The following ST6GALNAC1 variants were observed in gnomAD, a reference collection of about 807,000 sequenced individuals.
ST6GALNAC1 encodes the protein alpha-N-acetylgalactosaminide alpha-2,6-sialyltransferase 1.
A neutral mutation model predicts 56.8 loss-of-function variants in ST6GALNAC1; 45 were observed. The ratio of observed to expected loss-of-function variants is 0.79; its 90% CI spans 0.62 to 1.02. The LOEUF (loss-of-function observed/expected upper bound fraction) is 1.02, where lower values mean the gene tolerates loss of function less well. Ranked by LOEUF, ST6GALNAC1 falls within the 50% of genes least tolerant of loss-of-function variation. The pLI is 0.00. For missense variants in ST6GALNAC1, 743 were observed against 754.8 expected (o/e 0.98, Z 0.18); for synonymous variants, 295 against 297.8 (o/e 0.99, Z 0.10).
downstream of ST6GALNAC1, among the ~76,000 whole-genome samples, chr17:76,621,416 G>C (rs4789329): frequency 0.72 from 109,118 of 151,342 alleles, 39,847 homozygotes; most frequent in South Asian, 0.81. Context: ...CTCTTGACCT[G>C]GTAATCTGCC....
intron 1 of ST6GALNAC1, among the ~76,000 whole-genome samples, chr17:76,630,878 A>G (rs958074322): frequency 6.9e-6 from 1 of 144,158 alleles, no homozygotes; most frequent in Admixed American, 6.9e-5. Context: ...GGCGTGAGCC[A>G]CCGCGCCCAA....
At chr17:76,619,990 T>A (rs914663538), downstream of ST6GALNAC1, among the ~76,000 whole-genome samples, 1 of 152,182 alleles carries the variant, frequency 6.6e-6, no homozygotes, top group Admixed American at 6.6e-5. Flanking sequence ...GTGATCCGCC[T>A]GCCTCGGCCT....
chr17:76,626,622 T>A, intron 5 of ST6GALNAC1, 29 bp downstream of exon 5: 1 of 1,613,616 alleles, frequency 6.2e-7, no homozygotes, highest in Non-Finnish European at 8.5e-7. Context: ...AGAGTCTGGG[T>A]GTGGCCAGGC....
Position 76,629,409 on chromosome 17 carries a change from C to T in ST6GALNAC1, c.434G>A (p.Gly145Glu). 1 of 1,614,162 alleles carries T rather than the reference C, an allele frequency of 6.2e-7. No individual in the cohort carries two copies. The highest frequency in any genetic ancestry group is 8.5e-7 in the Non-Finnish European group (1 of 1,180,010). ...TGCCTCTGTCCTGCCAGAGGCCATC[C>T]CTGCATCTTGCCCTCTGGGTGACAG... Reference protein sequence around the residue: ...NTLSPRGQDAGMASGRTEAQS... With the variant: ...NTLSPRGQDAEMASGRTEAQS... The change falls in exon 2 of 9, where the codon GGG becomes GAG. Residue 145 changes from glycine to glutamate, a missense_variant. Physicochemically the swap from Gly to Glu is moderately conservative, Grantham distance 98. Coordinates refer to ENST00000156626, the MANE Select transcript of ST6GALNAC1 (RefSeq NM_018414.5).
chr17:76,621,943 C>CTTTT (rs71158041), downstream of ST6GALNAC1, among the ~76,000 whole-genome samples: 52 of 137,852 alleles, frequency 3.8e-4, no homozygotes, highest in South Asian at 6.8e-4. Context: ...TCTTTCTTTT[C>CTTTT]TTTTTTTTTT....
At chr17:76,621,254 C>A (rs2075737985), downstream of ST6GALNAC1, among the ~76,000 whole-genome samples, 1 of 136,288 alleles carries the variant, frequency 7.3e-6, no homozygotes, top group Non-Finnish European at 1.5e-5. Context: ...ACGATCTGGG[C>A]TCACTGCAAC....
chr17:76,630,586 CTT>C (rs201145440), intron 1 of ST6GALNAC1, among the ~76,000 whole-genome samples: 34 of 137,352 alleles, frequency 2.5e-4, no homozygotes, highest in Non-Finnish European at 2.4e-4. Flanking sequence ...TGAAACCCTT[CTT>C]TTTTTTTTTT....
chr17:76,634,127 G>A (rs951623698), intron 1 of ST6GALNAC1, among the ~76,000 whole-genome samples: 1 of 152,332 alleles, frequency 6.6e-6, no homozygotes, highest in Middle Eastern at 3.4e-3. Context: ...GGCATGGAGA[G>A]CGAGCGGAAG....
At chr17:76,638,778 A>G (rs758213244) in intron 1 of ST6GALNAC1, among the ~76,000 whole-genome samples, 1 of 152,038 alleles carries the variant, frequency 6.6e-6, no homozygotes, top group Non-Finnish European at 1.5e-5. Context: ...ACAGGGTTTC[A>G]CCATGTTAGT....
the ST6GALNAC1 span, among the ~76,000 whole-genome samples, chr17:76,618,928 A>C: frequency 2.6e-5 from 4 of 152,306 alleles, no homozygotes; most frequent in East Asian, 7.7e-4. Context: ...TGGATGACAG[A>C]GTGAGACCCT....
intron 1 of ST6GALNAC1, among the ~76,000 whole-genome samples, chr17:76,636,983 T>C (rs1203605908): frequency 1.3e-5 from 2 of 152,078 alleles, no homozygotes; most frequent in Non-Finnish European, 2.9e-5. Context: ...AACCCCGTGC[T>C]CTCTGAAACA....
Position 76,625,300 on chromosome 17 carries a change from G to C in ST6GALNAC1, c.*30C>G. On this transcript the variant is annotated 3_prime_UTR_variant, in exon 9 of 9. Transcript: ENST00000156626. ...CACTGTATCCTGTGCCTTGGAGCAG[G>C]CAAGGAGACCATGGCAGCCCTGGCC... 6.2e-7 allele frequency: 1 copy of C among 1,605,350 alleles called. No homozygotes were observed. The highest frequency in any genetic ancestry group is 8.5e-7 in the Non-Finnish European group (1 of 1,176,148).
At chr17:76,624,129 A>T (rs1475731977), downstream of ST6GALNAC1, among the ~76,000 whole-genome samples, 2 of 152,278 alleles carry the variant, frequency 1.3e-5, no homozygotes, top group East Asian at 3.9e-4. Context: ...TCCCTGTCCC[A>T]TTGGTCCCCT....
intron 1 of ST6GALNAC1, among the ~76,000 whole-genome samples, chr17:76,639,636 TAA>T (rs1443077869): frequency 2.7e-5 from 3 of 110,152 alleles, no homozygotes; most frequent in African/African-American, 7.8e-5. Flanking sequence ...AATTACATGA[TAA>T]ACACACACAC....
chr17:76,636,229 G>T (rs574900915), intron 1 of ST6GALNAC1, among the ~76,000 whole-genome samples: 1 of 152,100 alleles, frequency 6.6e-6, no homozygotes, highest in Admixed American at 6.5e-5. Flanking sequence ...AATGTTATTT[G>T]TTTCCCTCTC....
intron 1 of ST6GALNAC1, among the ~76,000 whole-genome samples, chr17:76,634,656 G>GA (rs1255013809): frequency 6.8e-6 from 1 of 147,982 alleles, no homozygotes; most frequent in East Asian, 2.0e-4. Context: ...GGGGGTGGGG[G>GA]GTGGATCACC....
chr17:76,627,648 C>G lies in ST6GALNAC1; in HGVS notation c.832-65G>C, dbSNP rs2075824295. 1 of 1,498,390 alleles carries G rather than the reference C, an allele frequency of 6.7e-7. No individual in the cohort carries two copies. Among genetic ancestry groups the G allele is most frequent in the Admixed American group, 1.8e-5 (1 of 55,270 alleles). 92.8% of individuals were successfully genotyped at this position (1,498,390 alleles called of 1,614,324 possible). A position where few individuals can be genotyped will look rare whatever the true frequency, so the allele number is the denominator to read the frequency against. On this transcript the variant is annotated intron_variant, in intron 2 of 8. Coordinates refer to ENST00000156626, the MANE Select transcript of ST6GALNAC1 (RefSeq NM_018414.5). The surrounding 1 kb of genome is among the most constrained non-coding windows in gnomAD (Gnocchi z 4.4). ...GAAAGGCCATCGGCCAGGGGCTGCA[C>G]CACTGCAGCAAGGGCTGGGGCTCGC... is the stretch of plus-strand genomic sequence containing the variant.
At chr17:76,633,905 A>C (rs1472306780) in intron 1 of ST6GALNAC1, 2 of 152,072 alleles carry the variant, frequency 1.3e-5, no homozygotes, top group African/African-American at 4.8e-5. Context: ...ATTTTCCAAG[A>C]ATACAGTACG....
At chr17:76,620,048 TA>T (rs1242778619), downstream of ST6GALNAC1, among the ~76,000 whole-genome samples, 1 of 151,308 alleles carries the variant, frequency 6.6e-6, no homozygotes, top group Non-Finnish European at 1.5e-5. Flanking sequence ...CCGGCCTTTT[TA>T]AAAATTTTTT....
Sources: allele counts gnomAD v4.1 joint callset (sites outside exome capture counted in the v4.1 genomes callset), GRCh38; gene constraint gnomAD v4.1.1; non-coding constraint Gnocchi (gnomAD v3.1); transcripts MANE v1.5; gene names NCBI Gene and HGNC (gene_info 2026-07-23, HGNC 2026-07-21).